The following ABLIM1 variants were observed in gnomAD, a reference collection of about 807,000 sequenced individuals.
ABLIM1 encodes the protein actin-binding LIM protein 1.
Under a neutral mutation model 107.0 loss-of-function variants are expected in ABLIM1, and 40 were observed. That is an observed-to-expected ratio of 0.37 (90% CI 0.29 to 0.49). ABLIM1 has a LOEUF of 0.49. Ranked by LOEUF, ABLIM1 falls within the 20% of genes least tolerant of loss-of-function variation. The probability of loss-of-function intolerance (pLI) is 0.97; values close to 1 mark genes in which losing one functional copy is unlikely to be tolerated. For missense variants in ABLIM1, 857 were observed against 1,008.5 expected (o/e 0.85, Z 2.04); for synonymous variants, 357 against 357.3 (o/e 1.00, Z 0.01).
chr10:114,477,623 A>G (rs1415591288), intron 8 of ABLIM1, among the ~76,000 whole-genome samples: 2 of 152,214 alleles, frequency 1.3e-5, no homozygotes, highest in South Asian at 2.1e-4. Flanking sequence ...ACGCACGCAC[A>G]TGTAGGGAAG....
chr10:114,709,063 G>A (rs149000636), intron 1 of ABLIM1, among the ~76,000 whole-genome samples: 1,712 of 152,272 alleles, frequency 0.011, 16 homozygotes, highest in Middle Eastern at 0.027. Context: ...CCACATGTAT[G>A]GCTGTATGGT....
chr10:114,591,681 C>A (rs776645131), intron 2 of ABLIM1, among the ~76,000 whole-genome samples: 1 of 152,158 alleles, frequency 6.6e-6, no homozygotes, highest in African/African-American at 2.4e-5. Flanking sequence ...CAAGTCTTAG[C>A]GACCTGGATT....
At chr10:114,663,267 A>G (rs1416850541), upstream of ABLIM1, among the ~76,000 whole-genome samples, 1 of 152,126 alleles carries the variant, frequency 6.6e-6, no homozygotes, top group Admixed American at 6.6e-5. Flanking sequence ...ATTTCTTCCT[A>G]TCTTGTCCCC....
rs548338608 is a variant in ABLIM1 at position 114,435,921 on chromosome 10, C to A, written c.*339G>T. On this transcript the variant is annotated 3_prime_UTR_variant, in exon 23 of 23. Coordinates refer to ENST00000533213, the MANE Select transcript of ABLIM1 (RefSeq NM_002313.7). Reference sequence around the variant, plus strand: ...CCTAAGGGCACTTGCCAGCTCTTATCCGGACAGTCAGCACTGTTGTTGGAC... The same window carrying A: ...CCTAAGGGCACTTGCCAGCTCTTATACGGACAGTCAGCACTGTTGTTGGAC... 3.2e-4 allele frequency: 60 copies of A among 189,570 alleles called. No individual in the cohort carries two copies. Among genetic ancestry groups the A allele is most frequent in the African/African-American group, 1.3e-3 (55 of 42,874 alleles). 11.7% of individuals were successfully genotyped at this position (189,570 alleles called of 1,614,324 possible).
chr10:114,598,478 C>T (rs868179425), intron 2 of ABLIM1, among the ~76,000 whole-genome samples: 2 of 152,008 alleles, frequency 1.3e-5, no homozygotes, highest in South Asian at 4.2e-4. Context: ...GTCCCAGCTA[C>T]TCAGGAGGCT....
intron 6 of ABLIM1, among the ~76,000 whole-genome samples, chr10:114,527,125 A>T (rs890476123): frequency 2.0e-5 from 3 of 152,142 alleles, no homozygotes; most frequent in Non-Finnish European, 2.9e-5. Context: ...CTGAAACGAG[A>T]TTCTTAGGCT....
intron 6 of ABLIM1, among the ~76,000 whole-genome samples, chr10:114,523,331 C>T (rs1313890652): frequency 6.6e-6 from 1 of 152,090 alleles, no homozygotes; most frequent in African/African-American, 2.4e-5. Flanking sequence ...CCCTGATAAC[C>T]TGGTTCAGAG....
intron 17 of ABLIM1, among the ~76,000 whole-genome samples, chr10:114,443,309 AT>A (rs202090822): frequency 2.7e-5 from 4 of 145,806 alleles, no homozygotes; most frequent in African/African-American, 7.9e-5. Flanking sequence ...TGTATTGAAG[AT>A]TTTTTTTCTT....
At chr10:114,797,843 C>A in the ABLIM1 span, among the ~76,000 whole-genome samples, 22 of 152,130 alleles carry the variant, frequency 1.4e-4, no homozygotes, top group Non-Finnish European at 1.9e-4. Context: ...GCCTATAATT[C>A]CTAAATATTC....
At chr10:114,755,145 C>A (rs1300342407) in intron 1 of ABLIM1, among the ~76,000 whole-genome samples, 2 of 152,226 alleles carry the variant, frequency 1.3e-5, no homozygotes, top group African/African-American at 4.8e-5. Flanking sequence ...GCATTACCAC[C>A]TGAACGCCAC....
intron 2 of ABLIM1, among the ~76,000 whole-genome samples, chr10:114,586,748 C>A (rs992968796): frequency 2.0e-5 from 3 of 152,126 alleles, no homozygotes; most frequent in African/African-American, 7.2e-5. Context: ...CTCATCCTTG[C>A]GGATATGGAC....
chr10:114,573,026 C>G (rs1473243755), intron 3 of ABLIM1, among the ~76,000 whole-genome samples: 1 of 152,210 alleles, frequency 6.6e-6, no homozygotes, highest in African/African-American at 2.4e-5. Flanking sequence ...CCACACGAAT[C>G]CTCTATGGGA....
intron 1 of ABLIM1, chr10:114,765,019 T>C (rs529088462): frequency 6.6e-6 from 1 of 152,436 alleles, no homozygotes; most frequent in African/African-American, 2.4e-5. Context: ...CCTGTCTCCA[T>C]TGTGTGCCCC....
intron 2 of ABLIM1, among the ~76,000 whole-genome samples, chr10:114,576,295 C>G (rs879322299): frequency 6.6e-6 from 1 of 152,146 alleles, no homozygotes; most frequent in Non-Finnish European, 1.5e-5. Context: ...TGGGCCTGGT[C>G]TACGTGTTCA....
Position 114,629,007 on chromosome 10 carries a change from C to T in ABLIM1, c.245-27046G>A, listed in dbSNP as rs570483247. ...TACAGGATACAGCAAGGGTAAGGTA[C>T]CCTTGAAGACATAAGAGAAATAACC... On this transcript the variant is annotated intron_variant, in intron 1 of 22. Coordinates refer to ENST00000533213, the MANE Select transcript of ABLIM1 (RefSeq NM_002313.7). This position sits in a 1 kb window ranked among gnomAD's most constrained non-coding sequence, Gnocchi z 4.0. Among the ~76,000 whole-genome samples, 3 of 152,104 alleles carry T rather than the reference C, an allele frequency of 2.0e-5. No homozygotes were observed. The highest frequency in any genetic ancestry group is 7.2e-5 in the African/African-American group (3 of 41,482).
chr10:114,703,444 G>A (rs1363131157), intron 1 of ABLIM1, among the ~76,000 whole-genome samples: 5 of 152,186 alleles, frequency 3.3e-5, no homozygotes, highest in Admixed American at 2.0e-4. Context: ...TAGTTTAGTA[G>A]AGGTGAAGCA....
intron 1 of ABLIM1, chr10:114,690,016 T>G: frequency 1.6e-6 from 1 of 637,528 alleles, no homozygotes; most frequent in South Asian, 1.9e-5. Flanking sequence ...AAGGAAAACA[T>G]GGAACCCAAA....
chr10:114,552,638 T>C (rs925524444), intron 4 of ABLIM1, among the ~76,000 whole-genome samples: 3 of 152,216 alleles, frequency 2.0e-5, no homozygotes, highest in Non-Finnish European at 4.4e-5. Context: ...CGCTTCCAAA[T>C]TGATATCATT....
chr10:114,653,702 C>A (rs2079360138), intron 1 of ABLIM1, among the ~76,000 whole-genome samples: 1 of 152,174 alleles, frequency 6.6e-6, no homozygotes, highest in African/African-American at 2.4e-5. Context: ...TTGATATATG[C>A]TCACTGATAT....
Sources: allele counts gnomAD v4.1 joint callset (sites outside exome capture counted in the v4.1 genomes callset), GRCh38; gene constraint gnomAD v4.1.1; non-coding constraint Gnocchi (gnomAD v3.1); transcripts MANE v1.5; gene names NCBI Gene and HGNC (gene_info 2026-07-23, HGNC 2026-07-21).